INSC: variants seen among roughly 807,000 people sequenced by gnomAD.
INSC encodes INSC spindle orientation adaptor protein.
Under a neutral mutation model 58.6 loss-of-function variants are expected in INSC, and 67 were observed. That is an observed-to-expected ratio of 1.14 (90% CI 0.94 to 1.40). INSC has a LOEUF of 1.40. Ranked by LOEUF, INSC falls within the 40% of genes most tolerant of loss-of-function variation. The probability of loss-of-function intolerance (pLI) is 0.00; values close to 1 mark genes in which losing one functional copy is unlikely to be tolerated. For missense variants in INSC, 714 were observed against 692.0 expected, an observed-to-expected ratio of 1.03 and a Z score of -0.36; for synonymous variants, 262 against 276.1, an observed-to-expected ratio of 0.95 and a Z score of 0.51.
At chr11:15,199,128 A>G (rs1184285799) in intron 6 of INSC, among the ~76,000 whole-genome samples, 1 of 152,190 alleles carries the variant, frequency 6.6e-6, no homozygotes, top group Non-Finnish European at 1.5e-5. Flanking sequence ...CCATGAGTTT[A>G]TTGTGGACGG....
chr11:15,200,778 A>G lies in INSC; in HGVS notation c.694-46A>G, dbSNP rs1850552355. On this transcript the variant is annotated intron_variant, in intron 6 of 12. Transcript: ENST00000379556. ...TCACTTATTCTTGAGTTAGCCCCAG[A>G]CAAGGTCACACAGTAAGATGATGTG... 2.5e-6 allele frequency: 4 copies of G among 1,610,768 alleles called. No homozygotes were observed. In the Admixed American group the frequency reaches 6.7e-5, roughly 27 times the overall value.
chr11:15,202,237 G>C (rs1850621834), intron 7 of INSC, among the ~76,000 whole-genome samples: 1 of 152,144 alleles, frequency 6.6e-6, no homozygotes, highest in South Asian at 2.1e-4. Context: ...ATGAGCACTA[G>C]ATTTGGAGGT....
intron 1 of INSC, among the ~76,000 whole-genome samples, chr11:15,132,101 A>G: frequency 6.6e-6 from 1 of 152,058 alleles, no homozygotes; most frequent in Non-Finnish European, 1.5e-5. Flanking sequence ...CTTTTAGTTA[A>G]TTACTTTGGA....
chr11:15,121,957 G>A (rs1847884219), intron 1 of INSC, among the ~76,000 whole-genome samples: 1 of 152,134 alleles, frequency 6.6e-6, no homozygotes, highest in South Asian at 2.1e-4. Flanking sequence ...GAAGTTACAG[G>A]CTTAGTTTCC....
At chr11:15,161,342 A>G (rs143783865) in intron 2 of INSC, among the ~76,000 whole-genome samples, 78 of 152,364 alleles carry the variant, frequency 5.1e-4, no homozygotes, top group Non-Finnish European at 9.4e-4. Flanking sequence ...GATATAGAAC[A>G]CGTCAGAAAA....
intron 2 of INSC, among the ~76,000 whole-genome samples, chr11:15,155,017 G>T (rs180787905): frequency 6.6e-6 from 1 of 152,254 alleles, no homozygotes; most frequent in East Asian, 1.9e-4. Context: ...GAAGCCCCTT[G>T]GTATAGCCAG....
chr11:15,240,817 C>T (rs1040400819), intron 12 of INSC, among the ~76,000 whole-genome samples: 10 of 152,180 alleles, frequency 6.6e-5, no homozygotes, highest in Admixed American at 3.3e-4. Context: ...TCCTGTGGAA[C>T]GCTAGCTGGT....
chr11:15,239,592 C>T (rs149556454), intron 11 of INSC, among the ~76,000 whole-genome samples: 7 of 152,132 alleles, frequency 4.6e-5, no homozygotes, highest in African/African-American at 4.8e-5. Flanking sequence ...CTGTTCTGAG[C>T]GCTGGGCATG....
At chr11:15,123,924 C>T (rs1407681569) in intron 1 of INSC, among the ~76,000 whole-genome samples, 1 of 152,202 alleles carries the variant, frequency 6.6e-6, no homozygotes, top group African/African-American at 2.4e-5. Flanking sequence ...TAGACATATG[C>T]TTAAAGGAGA....
At chr11:15,168,024 C>T (rs1590389446) in intron 2 of INSC, among the ~76,000 whole-genome samples, 1 of 152,140 alleles carries the variant, frequency 6.6e-6, no homozygotes, top group Non-Finnish European at 1.5e-5. Flanking sequence ...CCATAGCAGC[C>T]CCAAGTTGTT....
At chr11:15,174,833 G>A (rs898912622) in intron 2 of INSC, among the ~76,000 whole-genome samples, 1 of 152,202 alleles carries the variant, frequency 6.6e-6, no homozygotes, top group Non-Finnish European at 1.5e-5. Flanking sequence ...TTTCGAGAGT[G>A]GAGGCTTAAC....
At chr11:15,175,254 AC>A (rs1443155222) in intron 2 of INSC, among the ~76,000 whole-genome samples, 1 of 152,236 alleles carries the variant, frequency 6.6e-6, no homozygotes, top group African/African-American at 2.4e-5. Context: ...ATTAGCACAC[AC>A]ATTTTTCTTA....
rs1291289572 is a variant in INSC, at chr11:15,235,653, A to G, written c.1222A>G (p.Ile408Val). The G allele has an allele frequency of 6.2e-6, 10 of 1,613,362 alleles. No homozygotes were observed. Among genetic ancestry groups the G allele is most frequent in the Middle Eastern group, 1.6e-4 (1 of 6,084 alleles). Reference sequence around the variant, plus strand: ...TGTCCTAGAACAGTGTGCCTCTGACATCATTCAGGAAAATGGTATGTCTTT... The same window carrying G: ...TGTCCTAGAACAGTGTGCCTCTGACGTCATTCAGGAAAATGGTATGTCTTT... ...MSVLEQCASD[I>V]IQENGVQLIM... Residue 408 changes from isoleucine (I) to valine (V), a missense_variant, in exon 10 of 13, where the codon ATC (isoleucine) becomes GTC (valine). Ile to Val is a conservative substitution (Grantham distance 29, BLOSUM62 3). Transcript: ENST00000379556.
At chr11:15,254,609 T>C in the INSC span, among the ~76,000 whole-genome samples, 1 of 152,202 alleles carries the variant, frequency 6.6e-6, no homozygotes, top group Non-Finnish European at 1.5e-5. Flanking sequence ...GGCATAGGAT[T>C]GTTGTGAGAA....
At chr11:15,211,484 GT>G (rs1471750957) in intron 7 of INSC, among the ~76,000 whole-genome samples, 2 of 152,034 alleles carry the variant, frequency 1.3e-5, no homozygotes, top group Non-Finnish European at 2.9e-5. Flanking sequence ...CCTGTGGTAG[GT>G]TTTTTTATTC....
chr11:15,230,897 C>T (rs776636982), intron 9 of INSC, among the ~76,000 whole-genome samples: 18 of 152,098 alleles, frequency 1.2e-4, no homozygotes, highest in Admixed American at 3.9e-4. Context: ...CCAGTCTTGC[C>T]ACTTTAGTAG....
At chr11:15,208,509 T>G (rs1214650528) in intron 7 of INSC, among the ~76,000 whole-genome samples, 1 of 152,214 alleles carries the variant, frequency 6.6e-6, no homozygotes, top group Non-Finnish European at 1.5e-5. Context: ...CTGTCTGTCT[T>G]GATGGCTGGG....
chr11:15,155,707 A>G (rs780299606), intron 2 of INSC, among the ~76,000 whole-genome samples: 13 of 152,222 alleles, frequency 8.5e-5, no homozygotes, highest in South Asian at 4.1e-4. Context: ...AGACTAAAGT[A>G]AGGCAGAGAA....
intron 7 of INSC, among the ~76,000 whole-genome samples, chr11:15,201,409 C>T (rs753710960): frequency 2.0e-5 from 3 of 152,148 alleles, no homozygotes; most frequent in African/African-American, 4.8e-5. Flanking sequence ...CACTAAAGAC[C>T]AGCGGGCTTG....
Sources: allele counts gnomAD v4.1 joint callset (sites outside exome capture counted in the v4.1 genomes callset), GRCh38; gene constraint gnomAD v4.1.1; transcripts MANE v1.5; gene names NCBI Gene and HGNC (gene_info 2026-07-23, HGNC 2026-07-21).